The following DIP2B variants were observed in gnomAD, a reference collection of about 807,000 sequenced individuals.
DIP2B encodes disco-interacting protein 2 homolog B.
In DIP2B, 76 loss-of-function variants were observed where a neutral mutation model predicts 198.0. The ratio of observed to expected loss-of-function variants is 0.38; its 90% CI spans 0.32 to 0.46. The LOEUF (loss-of-function observed/expected upper bound fraction) is 0.46, where lower values mean the gene tolerates loss of function less well. Among genes scored for constraint, DIP2B ranks in the 20% least tolerant of loss-of-function variants. DIP2B has a pLI of 0.99. For synonymous variants in DIP2B, 701 were observed against 739.1 expected, an observed-to-expected ratio of 0.95 and a Z score of 0.84; for missense variants, 1,559 against 1,978.4, an observed-to-expected ratio of 0.79 and a Z score of 4.02.
chr12:50,633,299 A>G (rs1938097427), intron 2 of DIP2B: 1 of 152,240 alleles, frequency 6.6e-6, no homozygotes, highest in Non-Finnish European at 1.5e-5. Flanking sequence ...TACATATACT[A>G]AAACTAGAAC....
At chr12:50,540,521 G>GA (rs1958313951) in intron 1 of DIP2B, among the ~76,000 whole-genome samples, 1 of 150,598 alleles carries the variant, frequency 6.6e-6, no homozygotes, top group Non-Finnish European at 1.5e-5. Flanking sequence ...AGAATCTCTG[G>GA]ATAGGACATT....
chr12:50,648,972 A>T (rs1490018360), intron 3 of DIP2B, among the ~76,000 whole-genome samples: 1 of 152,222 alleles, frequency 6.6e-6, no homozygotes. Flanking sequence ...AATAATAAGC[A>T]GTTAAAAGAT....
intron 2 of DIP2B, among the ~76,000 whole-genome samples, chr12:50,634,363 C>G (rs1253584107): frequency 1.3e-5 from 2 of 152,168 alleles, no homozygotes; most frequent in East Asian, 1.9e-4. Context: ...GTCCTGTGGT[C>G]TAATCTTTAA....
At chr12:50,556,499 G>A (rs921617641) in intron 1 of DIP2B, among the ~76,000 whole-genome samples, 4 of 151,314 alleles carry the variant, frequency 2.6e-5, no homozygotes, top group East Asian at 1.9e-4. Flanking sequence ...TAAAACAGCC[G>A]TTTTACTGGG....
chr12:50,745,182 C>A lies in DIP2B; in HGVS notation c.*343C>A. 1 of 293,764 alleles carries A rather than the reference C, an allele frequency of 3.4e-6. No individual in the cohort carries two copies. Among genetic ancestry groups the A allele is most frequent in the Non-Finnish European group, 6.6e-6 (1 of 151,054 alleles). 18.2% of individuals were successfully genotyped at this position (293,764 alleles called of 1,614,324 possible). On this transcript the variant is annotated 3_prime_UTR_variant, in exon 38 of 38. Transcript: ENST00000301180. Reference sequence around the variant, plus strand: ...TTTCTAAGGGAATTTAATGAATTCACATGAAAGGGGTAGTCTGAGTGACAC... The same window carrying A: ...TTTCTAAGGGAATTTAATGAATTCAAATGAAAGGGGTAGTCTGAGTGACAC...
chr12:50,695,700 C>T lies in DIP2B; in HGVS notation c.1814-148C>T, dbSNP rs886998156. On this transcript the variant is annotated intron_variant, in intron 15 of 37. Transcript: ENST00000301180. ...AAATGTGATAATTTCTGCCTCTGAGCTATTGGCACAATCTCTTTGAAACCG... is the reference window on the plus strand; with the variant it reads ...AAATGTGATAATTTCTGCCTCTGAGTTATTGGCACAATCTCTTTGAAACCG... 9.9e-6 allele frequency: 11 copies of T among 1,107,392 alleles called. No individual in the cohort carries two copies. In the African/African-American group the frequency reaches 1.6e-4, roughly 16 times the overall value. 68.6% of individuals were successfully genotyped at this position (1,107,392 alleles called of 1,614,324 possible). A position where few individuals can be genotyped will look rare whatever the true frequency, so the allele number is the denominator to read the frequency against.
chr12:50,684,986 G>C (rs1298750563), intron 10 of DIP2B, among the ~76,000 whole-genome samples: 2 of 152,050 alleles, frequency 1.3e-5, no homozygotes. Context: ...CAGCTACTTG[G>C]GAGATTGAAA....
Position 50,747,262 on chromosome 12 carries a change from A to C in DIP2B, c.*2423A>C, listed in dbSNP as rs1940353099. The C allele has an allele frequency of 6.6e-6, 1 of 152,188 alleles. No homozygotes were observed. Among genetic ancestry groups the C allele is most frequent in the Non-Finnish European group, 1.5e-5 (1 of 68,036 alleles). The allele number at this position is 152,188 out of a possible 1,614,324, so 9.4% of individuals were successfully genotyped here. On this transcript the variant is annotated 3_prime_UTR_variant, in exon 38 of 38. Transcript: ENST00000301180. The stretch of plus-strand genomic sequence containing the variant: ...GTGCAGATCTATACTCATTCCTTCA[A>C]ATACATTACTCTGTTAATCTCAAAG...
chr12:50,567,411 A>T (rs1311645910), intron 1 of DIP2B, among the ~76,000 whole-genome samples: 1 of 152,230 alleles, frequency 6.6e-6, no homozygotes, highest in East Asian at 1.9e-4. Context: ...CAAACTACAG[A>T]ACTGTACATC....
intron 3 of DIP2B, among the ~76,000 whole-genome samples, chr12:50,645,028 C>G (rs914695689): frequency 6.6e-6 from 1 of 152,088 alleles, no homozygotes; most frequent in African/African-American, 2.4e-5. Flanking sequence ...TCATTTTTAA[C>G]ATACCTAAAA....
In DIP2B at chr12:50,660,258, C is replaced by T. The variant is rs1938622399; in HGVS notation, c.366C>T (p.Pro122=). 2 of 1,613,374 alleles carry T rather than the reference C, an allele frequency of 1.2e-6. No homozygotes were observed. The highest frequency in any genetic ancestry group is 1.7e-6 in the Non-Finnish European group (2 of 1,179,660). The stretch of plus-strand genomic sequence containing the variant: ...ATAAAGAACAGAAGATGGCTTTGCC[C>T]ATGCCAACCAAAAGGCGATCCACAT... ...AKHKEQKMAL[P]MPTKRRSTFV... is the part of the protein sequence containing the mutation. Residue 122 remains proline (P), a synonymous_variant, in exon 4 of 38, where the codon CCC becomes CCT. Transcript: ENST00000301180.
chr12:50,641,340 G>A (rs1334971877), intron 3 of DIP2B, among the ~76,000 whole-genome samples: 1 of 152,202 alleles, frequency 6.6e-6, no homozygotes, highest in Admixed American at 6.5e-5. Flanking sequence ...CTGGGCAACA[G>A]TGAGACTGCA....
intron 3 of DIP2B, among the ~76,000 whole-genome samples, chr12:50,647,869 T>A (rs1028023109): frequency 6.6e-6 from 1 of 152,062 alleles, no homozygotes; most frequent in Non-Finnish European, 1.5e-5. Flanking sequence ...AATCCTAGCA[T>A]TTTGGGAGGC....
chr12:50,507,514 A>G (rs1320752406), intron 1 of DIP2B, among the ~76,000 whole-genome samples: 3 of 152,174 alleles, frequency 2.0e-5, no homozygotes, highest in Admixed American at 6.5e-5. Flanking sequence ...CTCTGCTCTA[A>G]CATAAGTACT....
chr12:50,702,656 A>C (rs559745417), intron 19 of DIP2B, among the ~76,000 whole-genome samples: 6 of 144,478 alleles, frequency 4.2e-5, no homozygotes, highest in African/African-American at 1.3e-4. Context: ...GAGGAGTTCA[A>C]GGCTGTACTG....
intron 1 of DIP2B, among the ~76,000 whole-genome samples, chr12:50,579,944 A>G (rs1958709373): frequency 7.5e-6 from 1 of 133,710 alleles, no homozygotes; most frequent in African/African-American, 2.8e-5. Flanking sequence ...TCTGACTGGC[A>G]GTCTTGGCAC....
intron 1 of DIP2B, among the ~76,000 whole-genome samples, chr12:50,578,063 A>G (rs1958679425): frequency 6.6e-6 from 1 of 152,206 alleles, no homozygotes; most frequent in African/African-American, 2.4e-5. Context: ...CCAGGCTGGA[A>G]TGCAGTGGCA....
At chr12:50,669,218 C>T (rs1376229778) in intron 4 of DIP2B, among the ~76,000 whole-genome samples, 3 of 152,114 alleles carry the variant, frequency 2.0e-5, no homozygotes, top group Non-Finnish European at 4.4e-5. Context: ...CTCCTGTAAG[C>T]CTTTTTAGGG....
rs1390143744 is a variant in DIP2B at position 50,591,766 on chromosome 12, T to C, written c.101-34210T>C. Among the ~76,000 whole-genome samples the C allele has an allele frequency of 2.0e-5, 3 of 152,030 alleles. No homozygotes were observed. In the South Asian group the frequency reaches 6.2e-4, roughly 32 times the overall value. ...TGAGCCACCGTGCCCAGCCATATGATAAAATTCTTATACTACATTGTATAA... is the reference window on the plus strand; with the variant it reads ...TGAGCCACCGTGCCCAGCCATATGACAAAATTCTTATACTACATTGTATAA... On this transcript the variant is annotated intron_variant, in intron 1 of 37. Transcript: ENST00000301180.
Sources: gnomAD v4.1 joint callset for allele counts (sites outside exome capture counted in the v4.1 genomes callset) on GRCh38, gnomAD v4.1.1 for gene constraint, MANE v1.5 for transcripts, NCBI Gene and HGNC (gene_info 2026-07-23, HGNC 2026-07-21) for gene names.